The following KCTD16 variants were observed in gnomAD, a reference collection of about 807,000 sequenced individuals.
KCTD16 encodes the protein BTB/POZ domain-containing protein KCTD16.
A neutral mutation model predicts 33.2 loss-of-function variants in KCTD16; 13 were observed. The ratio of observed to expected loss-of-function variants is 0.39; its 90% confidence interval spans 0.25 to 0.62. The LOEUF (loss-of-function observed/expected upper bound fraction) is 0.62. Among genes scored for constraint, KCTD16 ranks in the 20% least tolerant of loss-of-function variants. KCTD16 has a pLI of 0.50. For missense variants in KCTD16, 441 were observed against 525.1 expected, an observed-to-expected ratio of 0.84 and a Z score of 1.57; for synonymous variants, 197 against 195.3, an observed-to-expected ratio of 1.01 and a Z score of -0.07.
At chr5:144,280,400 T>G (rs1755565273) in intron 3 of KCTD16, among the ~76,000 whole-genome samples, 1 of 152,210 alleles carries the variant, frequency 6.6e-6, no homozygotes, top group Non-Finnish European at 1.5e-5. Flanking sequence ...TAGAGTAAGT[T>G]TTGGCAGTGT....
chr5:144,421,163 G>T (rs1753199760), intron 3 of KCTD16, among the ~76,000 whole-genome samples: 1 of 151,944 alleles, frequency 6.6e-6, no homozygotes, highest in Non-Finnish European at 1.5e-5. Context: ...TTTGTTTTTT[G>T]TCCTTAACTT....
In KCTD16 at chr5:144,219,899, A is replaced by G. The variant is rs1043851908; in HGVS notation, c.832+12353A>G. Among the ~76,000 whole-genome samples, 3 of 152,116 alleles carry G rather than the reference A, an allele frequency of 2.0e-5. No individual in the cohort carries two copies. In the East Asian group the frequency reaches 5.8e-4, roughly 29 times the overall value. ...AACTGAGAGCAGATGGACCTGTTAG[A>G]GTGATGCTGCCTGCTGCCGAAACAG... On this transcript the variant is annotated intron_variant, in intron 3 of 3. Transcript: ENST00000512467.
intron 3 of KCTD16, among the ~76,000 whole-genome samples, chr5:144,447,548 A>G (rs745308599): frequency 6.6e-6 from 1 of 152,080 alleles, no homozygotes; most frequent in Non-Finnish European, 1.5e-5. Flanking sequence ...CCAGACCTGG[A>G]AGTATAATTT....
intron 3 of KCTD16, among the ~76,000 whole-genome samples, chr5:144,235,895 C>T (rs1371289204): frequency 6.6e-6 from 1 of 152,084 alleles, no homozygotes; most frequent in African/African-American, 2.4e-5. Flanking sequence ...CATTTCTTCT[C>T]TATTCTCTCA....
At chr5:144,371,540 C>G (rs957160407) in intron 3 of KCTD16, among the ~76,000 whole-genome samples, 3 of 152,160 alleles carry the variant, frequency 2.0e-5, no homozygotes, top group Non-Finnish European at 4.4e-5. Flanking sequence ...GGGAGGACTT[C>G]AAAATGTTCC....
chr5:144,478,005 T>C lies in KCTD16; in HGVS notation c.*3891T>C, dbSNP rs1580995179. On this transcript the variant is annotated 3_prime_UTR_variant, in exon 4 of 4. Coordinates refer to ENST00000512467, the MANE Select transcript of KCTD16 (RefSeq NM_020768.4). ...TTCCTTATGGTGACTCTGTGGCAGA[T>C]AAATGTTTTTGCCAATTTGCATGCT... 6.6e-6 allele frequency: 1 copy of C among 152,202 alleles called. No homozygotes were observed. The highest frequency in any genetic ancestry group is 2.1e-4 in the South Asian group (1 of 4,824). The allele number at this position is 152,202 out of a possible 1,614,324, so 9.4% of individuals were successfully genotyped here. A position where few individuals can be genotyped will look rare whatever the true frequency, so the allele number is the denominator to read the frequency against.
At chr5:144,353,231 A>G (rs1344375321) in intron 3 of KCTD16, among the ~76,000 whole-genome samples, 4 of 152,178 alleles carry the variant, frequency 2.6e-5, no homozygotes, top group East Asian at 1.9e-4. Flanking sequence ...AATTCCTTAC[A>G]TGGGTCTCCT....
At chr5:144,201,407 A>G (rs1753042820) in intron 2 of KCTD16, among the ~76,000 whole-genome samples, 1 of 152,216 alleles carries the variant, frequency 6.6e-6, no homozygotes, top group South Asian at 2.1e-4. Flanking sequence ...TACTGGAAAG[A>G]GTAATGATTT....
At position 144,297,922 on chromosome 5, in the gene KCTD16, G is replaced by C. The variant is rs144991689; in HGVS notation, c.832+90376G>C. Among the ~76,000 whole-genome samples the C allele has an allele frequency of 2.6e-3, 402 of 152,162 alleles. 4 individuals are homozygous for C. The highest frequency in any genetic ancestry group is 9.4e-3 in the African/African-American group (390 of 41,506). ...AAATTGCACTCTTCTGGTCCAACTC[G>C]GCTAGAGCTGAGCTTTTGCTCACTG... On this transcript the variant is annotated intron_variant, in intron 3 of 3. Transcript: ENST00000512467.
At chr5:144,338,486 T>C (rs942988812) in intron 3 of KCTD16, among the ~76,000 whole-genome samples, 1 of 152,202 alleles carries the variant, frequency 6.6e-6, no homozygotes, top group African/African-American at 2.4e-5. Flanking sequence ...TGGATCATAG[T>C]AGACATTCAA....
rs1171987759 is a variant in KCTD16 at position 144,349,790 on chromosome 5, A to C, written c.833-123870A>C. Among the ~76,000 whole-genome samples, 3 of 151,956 alleles carry C rather than the reference A, an allele frequency of 2.0e-5. No homozygotes were observed. In the East Asian group the frequency reaches 5.8e-4, roughly 29 times the overall value. ...ACTTGAGCCACTACCTTTCCCCATCACACTCTATCACATTCAACTGAAGTC... is the reference window on the plus strand; with the variant it reads ...ACTTGAGCCACTACCTTTCCCCATCCCACTCTATCACATTCAACTGAAGTC... On this transcript the variant is annotated intron_variant, in intron 3 of 3. Transcript: ENST00000512467.
At chr5:144,454,098 TCAA>T (rs1020246671) in intron 3 of KCTD16, among the ~76,000 whole-genome samples, 2 of 152,180 alleles carry the variant, frequency 1.3e-5, no homozygotes, top group Non-Finnish European at 2.9e-5. Flanking sequence ...GCTAGATAAA[TCAA>T]CAATGAATCA....
intron 3 of KCTD16, among the ~76,000 whole-genome samples, chr5:144,416,375 CAG>C (rs1753054795): frequency 6.6e-6 from 1 of 152,170 alleles, no homozygotes; most frequent in Non-Finnish European, 1.5e-5. Context: ...GCCCAACACT[CAG>C]TCTGGACTCT....
intron 3 of KCTD16, among the ~76,000 whole-genome samples, chr5:144,349,643 T>C (rs1454447017): frequency 1.3e-5 from 2 of 152,242 alleles, no homozygotes; most frequent in African/African-American, 4.8e-5. Flanking sequence ...GAGAAGGGCC[T>C]GGTCTTCAGT....
intron 3 of KCTD16, among the ~76,000 whole-genome samples, chr5:144,472,742 G>A: frequency 6.6e-6 from 1 of 152,130 alleles, no homozygotes; most frequent in Middle Eastern, 3.2e-3. Context: ...AATGTAACAT[G>A]TGCAATAATA....
At chr5:144,198,343 C>A (rs1484287169) in intron 2 of KCTD16, among the ~76,000 whole-genome samples, 1 of 152,124 alleles carries the variant, frequency 6.6e-6, no homozygotes, top group Admixed American at 6.5e-5. Flanking sequence ...AAAAATGACC[C>A]CTGCCCCATG....
At chr5:144,430,122 G>C (rs535707578) in intron 3 of KCTD16, among the ~76,000 whole-genome samples, 25 of 152,052 alleles carry the variant, frequency 1.6e-4, no homozygotes, top group Non-Finnish European at 3.4e-4. Context: ...ACCTGTGTAA[G>C]CCCTTGTGTG....
intron 3 of KCTD16, among the ~76,000 whole-genome samples, chr5:144,249,657 A>G (rs1272542868): frequency 6.6e-6 from 1 of 152,226 alleles, no homozygotes; most frequent in Admixed American, 6.5e-5. Flanking sequence ...AATGCATTTT[A>G]TGTTGTAGAA....
intron 3 of KCTD16, among the ~76,000 whole-genome samples, chr5:144,456,756 CTT>C (rs979520902): frequency 5.8e-5 from 8 of 138,002 alleles, no homozygotes; most frequent in South Asian, 2.3e-4. Flanking sequence ...CCACAGAACT[CTT>C]TTTTTTTTTT....
Sources: allele counts gnomAD v4.1 joint callset (sites outside exome capture counted in the v4.1 genomes callset), GRCh38; gene constraint gnomAD v4.1.1; transcripts MANE v1.5; gene names NCBI Gene and HGNC (gene_info 2026-07-23, HGNC 2026-07-21).